Variants in PCGF5 observed in about 807,000 individuals in gnomAD.
PCGF5 encodes polycomb group RING finger protein 5.
A neutral mutation model predicts 44.3 loss-of-function variants in PCGF5; 9 were observed. That is an observed-to-expected ratio of 0.20 (90% CI 0.12 to 0.35). The LOEUF (loss-of-function observed/expected upper bound fraction) is 0.35. Among genes scored for constraint, PCGF5 ranks in the 10% least tolerant of loss-of-function variants. The probability of loss-of-function intolerance (pLI) is 1.00; values close to 1 mark genes in which losing one functional copy is unlikely to be tolerated. For synonymous variants in PCGF5, 95 were observed against 102.5 expected, an observed-to-expected ratio of 0.93 and a Z score of 0.44; for missense variants, 146 against 305.3, an observed-to-expected ratio of 0.48 and a Z score of 3.89.
At chr10:91,226,922 A>C (rs781734154) in intron 2 of PCGF5, among the ~76,000 whole-genome samples, 36 of 152,120 alleles carry the variant, frequency 2.4e-4, no homozygotes, top group Non-Finnish European at 4.9e-4. Context: ...AATAGATAAA[A>C]TTTTTAAATG....
intron 2 of PCGF5, among the ~76,000 whole-genome samples, chr10:91,236,197 A>G (rs1298566049): frequency 1.3e-5 from 2 of 152,210 alleles, no homozygotes; most frequent in African/African-American, 4.8e-5. Flanking sequence ...TTAGGCCTGG[A>G]GCTGCGCAGC....
chr10:91,275,607 A>ATTTTT (rs72439811), intron 9 of PCGF5, among the ~76,000 whole-genome samples: 12 of 128,874 alleles, frequency 9.3e-5, no homozygotes, highest in African/African-American at 1.8e-4. Context: ...TGCCCGGCTA[A>ATTTTT]TTTTTTTTTT....
At chr10:91,219,821 A>G (rs765012443), upstream of PCGF5, among the ~76,000 whole-genome samples, 4 of 152,112 alleles carry the variant, frequency 2.6e-5, no homozygotes, top group Non-Finnish European at 5.9e-5. Flanking sequence ...ATCTTTGAAC[A>G]CTTGTATGGC....
At chr10:91,235,059 C>T (rs944177783) in intron 2 of PCGF5, among the ~76,000 whole-genome samples, 4 of 152,080 alleles carry the variant, frequency 2.6e-5, no homozygotes, top group African/African-American at 4.8e-5. Context: ...GAATGGGCAC[C>T]CTAACGATGG....
At chr10:91,201,370 TTAA>T (rs1282631343) in intron 1 of PCGF5, among the ~76,000 whole-genome samples, 1 of 152,166 alleles carries the variant, frequency 6.6e-6, no homozygotes, top group African/African-American at 2.4e-5. Flanking sequence ...ATTACTAATC[TTAA>T]TTACCTCCCA....
chr10:91,265,407 G>A lies in PCGF5; in HGVS notation c.663+887G>A, dbSNP rs537219332. On this transcript the variant is annotated intron_variant, in intron 8 of 9. Coordinates refer to ENST00000336126, the MANE Select transcript of PCGF5 (RefSeq NM_032373.5). ...AATTAAGATTGGCTATAAGGTTGGAGTAGATAACATCTAAGATTATCTTTT... is the reference window on the plus strand; with the variant it reads ...AATTAAGATTGGCTATAAGGTTGGAATAGATAACATCTAAGATTATCTTTT... Among the ~76,000 whole-genome samples the A allele has an allele frequency of 6.6e-5, 10 of 152,198 alleles. No homozygotes were observed. In the East Asian group the frequency reaches 1.9e-3, roughly 29 times the overall value.
At chr10:91,220,456 G>A (rs2133270657), upstream of PCGF5, 1 of 152,894 alleles carries the variant, frequency 6.5e-6, no homozygotes, top group Non-Finnish European at 1.5e-5. Flanking sequence ...TATTTGGCCA[G>A]AGCTACGTGT....
upstream of PCGF5, among the ~76,000 whole-genome samples, chr10:91,216,862 T>A (rs1472794753): frequency 6.6e-6 from 1 of 152,180 alleles, no homozygotes; most frequent in Non-Finnish European, 1.5e-5. Context: ...ATATTCATGG[T>A]CATAAAATAA....
At chr10:91,247,842 CA>C (rs1845507539) in intron 3 of PCGF5, among the ~76,000 whole-genome samples, 1 of 152,140 alleles carries the variant, frequency 6.6e-6, no homozygotes, top group South Asian at 2.1e-4. Flanking sequence ...GCATAACAGA[CA>C]ACCCCTAAAT....
intron 8 of PCGF5, among the ~76,000 whole-genome samples, chr10:91,268,868 A>G (rs1355568015): frequency 6.6e-6 from 1 of 151,988 alleles, no homozygotes; most frequent in Non-Finnish European, 1.5e-5. Flanking sequence ...AAAGATTTTT[A>G]TCTTTAGGAA....
chr10:91,228,492 T>A (rs370948118), intron 2 of PCGF5, among the ~76,000 whole-genome samples: 24 of 152,182 alleles, frequency 1.6e-4, no homozygotes, highest in African/African-American at 4.8e-4. Context: ...AACCTAAGAA[T>A]AAATTATTTG....
At position 91,248,737 on chromosome 10, in the gene PCGF5, T is replaced by C; in HGVS notation, c.325+13T>C. On this transcript the variant is annotated intron_variant, in intron 5 of 9. Transcript: ENST00000336126. The stretch of plus-strand genomic sequence containing the variant: ...GAAAATGGACAAGGTGACTTTTTCT[T>C]ATGTCTGTTTCTGACAGCACCTCTT... 1.3e-6 allele frequency: 2 copies of C among 1,598,936 alleles called. No individual in the cohort carries two copies. Among genetic ancestry groups the C allele is most frequent in the Non-Finnish European group, 1.7e-6 (2 of 1,170,386 alleles).
chr10:91,204,110 G>C (rs1207595109), intron 1 of PCGF5, among the ~76,000 whole-genome samples: 1 of 152,136 alleles, frequency 6.6e-6, no homozygotes, highest in Non-Finnish European at 1.5e-5. Context: ...TTTTTGAATA[G>C]TGATTTGCTT....
upstream of PCGF5, among the ~76,000 whole-genome samples, chr10:91,218,002 G>T (rs1844576748): frequency 1.3e-5 from 2 of 152,132 alleles, no homozygotes; most frequent in African/African-American, 4.8e-5. Flanking sequence ...GGCCAGGCTG[G>T]TCTTGAACTC....
chr10:91,249,371 G>GTATATATA (rs3074316), intron 5 of PCGF5, among the ~76,000 whole-genome samples: 3 of 120,546 alleles, frequency 2.5e-5, no homozygotes, highest in Non-Finnish European at 3.5e-5. Context: ...GGCTTTTAGT[G>GTATATATA]TATATATATA....
chr10:91,172,074 C>T (rs1418212812), intron 1 of PCGF5, among the ~76,000 whole-genome samples: 1 of 152,204 alleles, frequency 6.6e-6, no homozygotes, highest in African/African-American at 2.4e-5. Flanking sequence ...CCCAGGATTA[C>T]AGACGTGTGG....
intron 2 of PCGF5, among the ~76,000 whole-genome samples, chr10:91,228,416 T>A (rs1048520620): frequency 6.6e-6 from 1 of 152,164 alleles, no homozygotes; most frequent in African/African-American, 2.4e-5. Context: ...CATAGAATTC[T>A]GTGGTACAGA....
intron 2 of PCGF5, among the ~76,000 whole-genome samples, chr10:91,240,150 CTG>C (rs61218065): frequency 0.068 from 10,323 of 152,218 alleles, 438 homozygotes; most frequent in African/African-American, 0.11. Flanking sequence ...TTATCTTTTT[CTG>C]TCCTACTTCT....
intron 1 of PCGF5, among the ~76,000 whole-genome samples, chr10:91,175,592 A>G (rs1482531516): frequency 6.6e-6 from 1 of 152,218 alleles, no homozygotes; most frequent in Non-Finnish European, 1.5e-5. Flanking sequence ...TTGTTCTTAA[A>G]TGTAAATGAA....
Sources: allele counts gnomAD v4.1 joint callset (sites outside exome capture counted in the v4.1 genomes callset), GRCh38; gene constraint gnomAD v4.1.1; transcripts MANE v1.5; gene names NCBI Gene and HGNC (gene_info 2026-07-23, HGNC 2026-07-21).